Variants in NXF3 observed in about 807,000 individuals in gnomAD.
NXF3 encodes TAP-like protein 3.
A neutral mutation model predicts 48.4 loss-of-function variants in NXF3; 34 were observed. The observed-to-expected ratio is 0.70, with a 90% CI of 0.53 to 0.93. The LOEUF is 0.93. Ranked by LOEUF, NXF3 falls within the 40% of genes least tolerant of loss-of-function variation. NXF3 has a pLI of 0.00. For synonymous variants in NXF3, 132 were observed against 145.7 expected (o/e 0.91, Z 0.68); for missense variants, 359 against 406.1 (o/e 0.88, Z 1.00).
chrX:103,089,415 G>A, intron 1 of NXF3: 1 of 248,719 alleles, frequency 4.0e-6, no homozygotes, highest in Non-Finnish European at 7.1e-6. Flanking sequence ...TGCATAGTAA[G>A]GAGGTAAAAT....
intron 3 of NXF3, 136 bp downstream of exon 3, chrX:103,084,206 G>A (rs1922088019): frequency 1.4e-6 from 1 of 698,649 alleles, no homozygotes; most frequent in African/African-American, 2.2e-5. Context: ...GATGATCTAG[G>A]ATGTTAACTC....
chrX:103,083,774 C>T, intron 3 of NXF3, 82 bp from the exon 4 acceptor site: 1 of 679,748 alleles, frequency 1.5e-6, no homozygotes, highest in Non-Finnish European at 2.3e-6. Flanking sequence ...AAATATGTTC[C>T]TTTCAGACTT....
chrX:103,088,103 A>G, intron 1 of NXF3: 1 of 925,281 alleles, frequency 1.1e-6, no homozygotes, highest in East Asian at 3.2e-5. Flanking sequence ...GTTTTGAATC[A>G]CAGCAGATTC....
In NXF3 at chrX:103,077,660, G is replaced by A. The variant is rs766478433; in HGVS notation, c.1538C>T (p.Ala513Val). 1 of 1,209,341 alleles carries A rather than the reference G, an allele frequency of 8.3e-7. No homozygotes were observed. Among genetic ancestry groups the A allele is most frequent in the African/African-American group, 1.8e-5 (1 of 57,091 alleles). The change falls in exon 18 of 20, where the codon GCC becomes GTC. Residue 513 changes from alanine (A) to valine (V), a missense_variant. By Grantham distance (64) the Ala-to-Val change is moderately conservative. Coordinates refer to ENST00000395065, the MANE Select transcript of NXF3 (RefSeq NM_022052.2). ...QSALFTLVPT[A>V]FSSSVPAFSQ... Reference sequence around the variant, plus strand: ...GAAGGCAGGCACGGAGCTGGAGAAGGCTGTGGGCACTAGGGTGAACAAGGC... The same window carrying A: ...GAAGGCAGGCACGGAGCTGGAGAAGACTGTGGGCACTAGGGTGAACAAGGC...
chrX:103,083,550 G>A (rs77031414), intron 4 of NXF3, 48 bp from the exon 5 acceptor site: 1 of 1,168,152 alleles, frequency 8.6e-7, no homozygotes, highest in Non-Finnish European at 1.2e-6. Flanking sequence ...CAGAGTCTCT[G>A]CTCATCCAGC....
In NXF3 at chrX:103,083,595, C is replaced by T. The variant is rs766892352; in HGVS notation, c.435+14G>A. The T allele has an allele frequency of 1.6e-5, 19 of 1,196,526 alleles. No homozygotes were observed. The highest frequency in any genetic ancestry group is 2.0e-5 in the Non-Finnish European group (18 of 883,020). On this transcript the variant is annotated intron_variant, in intron 4 of 19. Coordinates refer to ENST00000395065, the MANE Select transcript of NXF3 (RefSeq NM_022052.2). ...GTCCTGTTTTCTCTCGTCTGCCTCACGGTCCTTTCTTACCTCAACTGGGAC... is the reference window on the plus strand; with the variant it reads ...GTCCTGTTTTCTCTCGTCTGCCTCATGGTCCTTTCTTACCTCAACTGGGAC...
Position 103,078,731 on chromosome X carries a change from G to T in NXF3, c.1379-99C>A. 1.0e-5 allele frequency: 12 copies of T among 1,152,861 alleles called. No individual in the cohort carries two copies. In the South Asian group the frequency reaches 2.2e-4, roughly 21 times the overall value. ...AGTCTTGCTTGACACTCACACAGAAGGGGGCCAGACCAGGACAGTTGTTCA... is the reference window on the plus strand; with the variant it reads ...AGTCTTGCTTGACACTCACACAGAATGGGGCCAGACCAGGACAGTTGTTCA... On this transcript the variant is annotated intron_variant, in intron 16 of 19. Coordinates refer to ENST00000395065, the MANE Select transcript of NXF3 (RefSeq NM_022052.2).
chrX:103,090,711 G>A (rs1210224470), intron 1 of NXF3, among the ~76,000 whole-genome samples: 2 of 111,435 alleles, frequency 1.8e-5, no homozygotes, highest in Non-Finnish European at 3.8e-5. Flanking sequence ...GAAGGTGGGG[G>A]TGATCTGCTT....
chrX:103,082,612 G>C, intron 8 of NXF3, 148 bp downstream of exon 8: 1 of 522,153 alleles, frequency 1.9e-6, no homozygotes, highest in Non-Finnish European at 3.3e-6. Context: ...CTTTGTTGCT[G>C]TTTGGGTTCA....
At chrX:103,077,565 T>C (rs1241611375) in intron 18 of NXF3, 49 bp downstream of exon 18, 1 of 1,199,546 alleles carries the variant, frequency 8.3e-7, no homozygotes, top group Admixed American at 2.2e-5. Context: ...CACTCACTTC[T>C]GAGGCAACTG....
Position 103,075,906 on chromosome X carries a change from T to C in NXF3, c.*144A>G. 1 of 211,722 alleles carries C rather than the reference T, an allele frequency of 4.7e-6. No homozygotes were observed. Among genetic ancestry groups the C allele is most frequent in the Non-Finnish European group, 8.7e-6 (1 of 115,551 alleles). 17.4% of individuals were successfully genotyped at this position (211,722 alleles called of 1,213,427 possible). ...GGGGTGGACAAGTGCACAGAACAAC[T>C]GGCCCCTTTGGAAGGATGAGAGTCA... On this transcript the variant is annotated 3_prime_UTR_variant, in exon 20 of 20. Transcript: ENST00000395065.
chrX:103,076,419 TGCA>T, intron 18 of NXF3, 118 bp from the exon 19 acceptor site: 1 of 799,808 alleles, frequency 1.3e-6, no homozygotes, highest in East Asian at 3.2e-5. Context: ...TGGAATTTAT[TGCA>T]GCAGAAGGAA....
intron 3 of NXF3, 46 bp from the exon 4 acceptor site, chrX:103,083,738 T>C (rs765637092): frequency 1.9e-6 from 2 of 1,030,070 alleles, no homozygotes; most frequent in Admixed American, 2.2e-5. Context: ...ACTGACATAA[T>C]GGAATTAAAC....
At position 103,080,313 on chromosome X, in the gene NXF3, C is replaced by A; in HGVS notation, c.928-97G>T. On this transcript the variant is annotated intron_variant, in intron 10 of 19. Coordinates refer to ENST00000395065, the MANE Select transcript of NXF3 (RefSeq NM_022052.2). ...CCCAGGAGAGGGTGAGATCAGAAATCAGGTGTGAAAGCGTTCTGGAAATTA... is the reference window on the plus strand; with the variant it reads ...CCCAGGAGAGGGTGAGATCAGAAATAAGGTGTGAAAGCGTTCTGGAAATTA... 7 of 904,455 alleles carry A rather than the reference C, an allele frequency of 7.7e-6. No homozygotes were observed. In the South Asian group the frequency reaches 1.3e-4, roughly 17 times the overall value. The allele number at this position is 904,455 out of a possible 1,213,427, so 74.5% of individuals were successfully genotyped here.
chrX:103,084,454 A>G lies in NXF3; in HGVS notation c.239T>C (p.Phe80Ser). The G allele has an allele frequency of 8.3e-7, 1 of 1,211,616 alleles. No individual in the cohort carries two copies. The highest frequency in any genetic ancestry group is 1.7e-5 in the African/African-American group (1 of 57,735). Residue 80 changes from phenylalanine (F) to serine (S), a missense_variant, in exon 3 of 20, where the codon TTT becomes TCT. Phe to Ser is a radical substitution (Grantham distance 155, BLOSUM62 -2). Coordinates refer to ENST00000395065, the MANE Select transcript of NXF3 (RefSeq NM_022052.2). Reference protein sequence around the residue: ...TISPYNRKGSFRKQDQTHVNM... With the variant: ...TISPYNRKGSSRKQDQTHVNM... ...AACGTGGGTTTGGTCTTGTTTACGA[A>G]AACTGCCTTTCCGATTATAGGGTGA...
At chrX:103,077,823 G>A (rs995711726) in intron 17 of NXF3, 77 bp from the exon 18 acceptor site, 3 of 1,110,572 alleles carry the variant, frequency 2.7e-6, no homozygotes, top group Non-Finnish European at 3.7e-6. Context: ...TTTTCCTACT[G>A]TTCAGCAACC....
intron 17 of NXF3, among the ~76,000 whole-genome samples, chrX:103,078,284 C>T (rs762219191): frequency 3.6e-5 from 4 of 111,752 alleles, no homozygotes; most frequent in African/African-American, 1.3e-4. Context: ...CACCACCACA[C>T]CCAGCTAATT....
In NXF3 at chrX:103,092,653, G is replaced by T. The variant is rs971082571; in HGVS notation, c.28+343C>A. Reference sequence around the variant, plus strand: ...AATAAGTCATATGCTGGGCCATAAGGCTAGCCTTGATAAATTTCTGGGGCT... The same window carrying T: ...AATAAGTCATATGCTGGGCCATAAGTCTAGCCTTGATAAATTTCTGGGGCT... On this transcript the variant is annotated intron_variant, in intron 1 of 19. Transcript: ENST00000395065. 3.5e-5 allele frequency among the ~76,000 whole-genome samples: 4 copies of T among 113,018 alleles called. No homozygotes were observed. In the East Asian group the frequency reaches 1.1e-3, roughly 31 times the overall value.
chrX:103,089,278 A>G, intron 1 of NXF3: 1 of 479,277 alleles, frequency 2.1e-6, no homozygotes, highest in Non-Finnish European at 3.7e-6. Flanking sequence ...TCGGTTATGT[A>G]AACTGTCACA....
Sources: gnomAD v4.1 joint callset for allele counts (sites outside exome capture counted in the v4.1 genomes callset) on GRCh38, gnomAD v4.1.1 for gene constraint, MANE v1.5 for transcripts, NCBI Gene and HGNC (gene_info 2026-07-23, HGNC 2026-07-21) for gene names.